Variants in CSNK1G2 observed in about 807,000 individuals in gnomAD.
The protein encoded by CSNK1G2 is casein kinase I isoform gamma-2.
A neutral mutation model predicts 48.0 loss-of-function variants in CSNK1G2; 11 were observed. The observed-to-expected ratio is 0.23, with a 90% CI of 0.14 to 0.38. The LOEUF (loss-of-function observed/expected upper bound fraction) is 0.38. CSNK1G2 is among the 10% of genes least tolerant of loss of function. The pLI is 1.00. For missense variants in CSNK1G2, 446 were observed against 595.5 expected, an observed-to-expected ratio of 0.75 and a Z score of 2.61; for synonymous variants, 337 against 254.1, an observed-to-expected ratio of 1.33 and a Z score of -3.10.
In CSNK1G2 at chr19:1,957,818, G is replaced by A. The variant is rs1049306597; in HGVS notation, c.-265-11690G>A. ...GGGGGGTATGTGCTCGGCGGGCGCC[G>A]TGTTTGTGGGGTGGGAGCTAGGCGG... On this transcript the variant is annotated intron_variant, in intron 1 of 11. Transcript: ENST00000255641. This position sits in a 1 kb window ranked among gnomAD's most constrained non-coding sequence, Gnocchi z 5.4. Among the ~76,000 whole-genome samples, 27 of 152,030 alleles carry A rather than the reference G, an allele frequency of 1.8e-4. No homozygotes were observed. The highest frequency in any genetic ancestry group is 2.9e-4 in the African/African-American group (12 of 41,386).
chr19:1,955,658 C>T (rs1466910191), intron 1 of CSNK1G2, among the ~76,000 whole-genome samples: 3 of 152,190 alleles, frequency 2.0e-5, no homozygotes, highest in East Asian at 3.9e-4. Context: ...ACGACCCCCT[C>T]AGAGGGGCTG....
chr19:1,953,969 T>G (rs1397683095), intron 1 of CSNK1G2: 1 of 533,922 alleles, frequency 1.9e-6, no homozygotes. Flanking sequence ...GGACGGGGCC[T>G]TCTCGTGGTG....
intron 2 of CSNK1G2, among the ~76,000 whole-genome samples, chr19:1,973,609 CTCCTGGTGT>C (rs1307958677): frequency 1.3e-5 from 2 of 152,230 alleles, no homozygotes; most frequent in African/African-American, 4.8e-5. Context: ...CCTCTGTGCT[CTCCTGGTGT>C]CAGGCTGTGC....
chr19:1,967,053 T>C (rs1057116449), intron 1 of CSNK1G2, among the ~76,000 whole-genome samples: 1 of 151,166 alleles, frequency 6.6e-6, no homozygotes, highest in Non-Finnish European at 1.5e-5. Flanking sequence ...GTGTGTCCTT[T>C]GATTAGACAC....
intron 1 of CSNK1G2, among the ~76,000 whole-genome samples, chr19:1,950,390 C>T (rs754673907): frequency 2.7e-5 from 4 of 147,008 alleles, no homozygotes; most frequent in African/African-American, 7.8e-5. Flanking sequence ...CCGCCCTCCT[C>T]GGCCTCCCAA....
chr19:1,976,680 G>A (rs2015766875), intron 2 of CSNK1G2, among the ~76,000 whole-genome samples: 1 of 151,998 alleles, frequency 6.6e-6, no homozygotes, highest in African/African-American at 2.4e-5. Flanking sequence ...TTGTCTCCAC[G>A]GCCACCCTGC....
chr19:1,976,147 G>T, intron 2 of CSNK1G2: 1 of 1,255,544 alleles, frequency 8.0e-7, no homozygotes, highest in African/African-American at 1.5e-5. Flanking sequence ...ATGAGTGTTG[G>T]GTGTTTGGGG....
intron 1 of CSNK1G2, among the ~76,000 whole-genome samples, chr19:1,959,861 G>A (rs55907935): frequency 0.3 from 29,807 of 98,828 alleles, 7,719 homozygotes; most frequent in African/African-American, 0.51. Flanking sequence ...GCCACCTTTA[G>A]TGCCACCGTG....
At chr19:1,975,548 C>T in intron 2 of CSNK1G2, 1 of 985,446 alleles carries the variant, frequency 1.0e-6, no homozygotes, top group Non-Finnish European at 1.2e-6. Context: ...GCACACGCAG[C>T]ACGACACGGC....
chr19:1,941,342 G>C lies in CSNK1G2; in HGVS notation c.-342G>C, dbSNP rs2014350127. ...CGCGAGGGGGCGCGGGGCCCGGAGCGGGGGTCCGCGCTGCGCTGCTGAGGC... is the reference window on the plus strand; with the variant it reads ...CGCGAGGGGGCGCGGGGCCCGGAGCCGGGGTCCGCGCTGCGCTGCTGAGGC... On this transcript the variant is annotated 5_prime_UTR_variant, in exon 1 of 12. Transcript: ENST00000255641. 1 of 147,084 alleles carries C rather than the reference G, an allele frequency of 6.8e-6. No homozygotes were observed. Among genetic ancestry groups the C allele is most frequent in the Non-Finnish European group, 1.5e-5 (1 of 66,078 alleles). The allele number at this position is 147,084 out of a possible 1,614,324, so 9.1% of individuals were successfully genotyped here. A position where few individuals can be genotyped will look rare whatever the true frequency, so the allele number is the denominator to read the frequency against.
rs2014351940 is a variant in CSNK1G2, at chr19:1,941,392, C to T, written c.-292C>T. 1 of 148,638 alleles carries T rather than the reference C, an allele frequency of 6.7e-6. No homozygotes were observed. The highest frequency in any genetic ancestry group is 2.1e-4 in the South Asian group (1 of 4,818). 9.2% of individuals were successfully genotyped at this position (148,638 alleles called of 1,614,324 possible). On this transcript the variant is annotated 5_prime_UTR_variant, in exon 1 of 12. Transcript: ENST00000255641. ...CCGGGCCGGCCGCCCAGACGCTGCC[C>T]GCGGGCCCGGCCACGGCGGAGCCAA... is the stretch of plus-strand genomic sequence containing the variant.
At chr19:1,954,983 C>A (rs1431518940) in intron 1 of CSNK1G2, among the ~76,000 whole-genome samples, 1 of 152,154 alleles carries the variant, frequency 6.6e-6, no homozygotes, top group East Asian at 1.9e-4. Context: ...AACCCCCAGG[C>A]CTGCGTGGGC....
intron 1 of CSNK1G2, among the ~76,000 whole-genome samples, chr19:1,946,078 G>T (rs2014544393): frequency 6.6e-6 from 1 of 152,094 alleles, no homozygotes; most frequent in Admixed American, 6.5e-5. Context: ...TCCCGGGAGA[G>T]GTGGGAAGTG....
At chr19:1,966,975 A>G (rs1299006647) in intron 1 of CSNK1G2, among the ~76,000 whole-genome samples, 1 of 151,546 alleles carries the variant, frequency 6.6e-6, no homozygotes, top group Non-Finnish European at 1.5e-5. Flanking sequence ...GGCTCAAACG[A>G]TCCTCCCGCC....
At chr19:1,964,563 T>G (rs1208786207) in intron 1 of CSNK1G2, among the ~76,000 whole-genome samples, 1 of 152,076 alleles carries the variant, frequency 6.6e-6, no homozygotes, top group Non-Finnish European at 1.5e-5. Context: ...CAGGGCTTTT[T>G]ACCATTCCAC....
rs747012885 is a variant in CSNK1G2 at position 1,967,759 on chromosome 19, CG to C, written c.-265-1748del. Reference sequence around the variant, plus strand: ...TCCTCCCTCCTCCCCAGGCTGCCCCCGACCACCCTTCAGTTCTGCAGGTGGG... The same window carrying C: ...TCCTCCCTCCTCCCCAGGCTGCCCCCACCACCCTTCAGTTCTGCAGGTGGG... On this transcript the variant is annotated intron_variant, in intron 1 of 11. Coordinates refer to ENST00000255641, the MANE Select transcript of CSNK1G2 (RefSeq NM_001319.7). 5.8e-3 allele frequency among the ~76,000 whole-genome samples: 372 copies of C among 64,582 alleles called. 8 individuals carry two copies. Among genetic ancestry groups the C allele is most frequent in the East Asian group, 0.038 (73 of 1,914 alleles). 42.4% of individuals were successfully genotyped at this position (64,582 alleles called of 152,430 possible).
In CSNK1G2 at chr19:1,980,563, T is replaced by C. The variant is rs1346985867; in HGVS notation, c.*360T>C. 1 of 304,456 alleles carries C rather than the reference T, an allele frequency of 3.3e-6. No individual in the cohort carries two copies. Among genetic ancestry groups the C allele is most frequent in the Non-Finnish European group, 6.2e-6 (1 of 160,452 alleles). 18.9% of individuals were successfully genotyped at this position (304,456 alleles called of 1,614,324 possible). A position where few individuals can be genotyped will look rare whatever the true frequency, so the allele number is the denominator to read the frequency against. On this transcript the variant is annotated 3_prime_UTR_variant, in exon 12 of 12. Coordinates refer to ENST00000255641, the MANE Select transcript of CSNK1G2 (RefSeq NM_001319.7). ...GTGTGATCCTGGAGGCCCCCCGGCC[T>C]GGCCCCGCCCCGCCAGCCGCCCCCG...
At chr19:1,944,329 G>C (rs1291034323) in intron 1 of CSNK1G2, among the ~76,000 whole-genome samples, 1 of 152,144 alleles carries the variant, frequency 6.6e-6, no homozygotes, top group Non-Finnish European at 1.5e-5. Flanking sequence ...AGGTCGGGAG[G>C]CTCCGCGTCT....
chr19:1,951,150 C>G (rs1195324918), intron 1 of CSNK1G2, among the ~76,000 whole-genome samples: 2 of 145,642 alleles, frequency 1.4e-5, no homozygotes, highest in African/African-American at 5.3e-5. Flanking sequence ...GCCTGTAATC[C>G]CAGCACTTTG....
Sources: gnomAD v4.1 joint callset for allele counts (sites outside exome capture counted in the v4.1 genomes callset) on GRCh38, gnomAD v4.1.1 for gene constraint, Gnocchi (gnomAD v3.1) non-coding constraint, MANE v1.5 for transcripts, NCBI Gene and HGNC (gene_info 2026-07-23, HGNC 2026-07-21) for gene names.